DPP10: variants seen among roughly 807,000 people sequenced by gnomAD.
DPP10 encodes inactive dipeptidyl peptidase 10.
Under a neutral mutation model 120.9 loss-of-function variants are expected in DPP10, and 33 were observed. That is an observed-to-expected ratio of 0.27 (90% CI 0.21 to 0.37). DPP10 has a LOEUF of 0.37. Among genes scored for constraint, DPP10 ranks in the 10% least tolerant of loss-of-function variants. DPP10 has a pLI of 1.00. For missense variants in DPP10, 816 were observed against 942.8 expected (o/e 0.87, Z 1.76); for synonymous variants, 337 against 326.1 (o/e 1.03, Z -0.36).
At chr2:114,508,083 CTTCTT>C (rs1175288972) in intron 1 of DPP10, among the ~76,000 whole-genome samples, 3 of 151,378 alleles carry the variant, frequency 2.0e-5, no homozygotes, top group Admixed American at 6.6e-5. Context: ...TTCTTTCTCT[CTTCTT>C]TGTTTCTTTC....
chr2:115,424,509 A>T lies in DPP10; in HGVS notation c.272-75001A>T, dbSNP rs531732725. Among the ~76,000 whole-genome samples, 21 of 152,112 alleles carry T rather than the reference A, an allele frequency of 1.4e-4. 1 individual carries two copies. The highest frequency in any genetic ancestry group is 9.7e-4 in the East Asian group (5 of 5,172). ...CAAAAAAAAAGAAGTCAAATTTTTT[A>T]AAAAAATAAAGAGAAACTATTGACA... is the stretch of plus-strand genomic sequence containing the variant. On this transcript the variant is annotated intron_variant, in intron 3 of 25. Transcript: ENST00000410059.
At chr2:114,537,202 C>A (rs977487963) in intron 1 of DPP10, among the ~76,000 whole-genome samples, 3 of 152,056 alleles carry the variant, frequency 2.0e-5, no homozygotes, top group African/African-American at 7.2e-5. Context: ...CCAATGAGCT[C>A]AGGGATGTGA....
chr2:114,519,572 A>G lies in DPP10; in HGVS notation c.60+76734A>G, dbSNP rs908005231. 2.0e-5 allele frequency among the ~76,000 whole-genome samples: 3 copies of G among 152,196 alleles called. No individual in the cohort carries two copies. The South Asian group carries it at 6.2e-4, about 32-fold the overall frequency. On this transcript the variant is annotated intron_variant, in intron 1 of 25. Coordinates refer to ENST00000410059, the MANE Select transcript of DPP10 (RefSeq NM_020868.6). ...AAGCATCTCAATTAATTTTCAGTTGACAGTTTCTGCAGCTGAGTCCCCAAG... is the reference window on the plus strand; with the variant it reads ...AAGCATCTCAATTAATTTTCAGTTGGCAGTTTCTGCAGCTGAGTCCCCAAG...
intron 1 of DPP10, among the ~76,000 whole-genome samples, chr2:114,888,941 A>G (rs1044785474): frequency 1.3e-5 from 2 of 152,168 alleles, no homozygotes; most frequent in Non-Finnish European, 2.9e-5. Context: ...TTAACCCTCA[A>G]TACTTCAGAA....
chr2:114,666,059 C>G (rs1233962470), intron 1 of DPP10, among the ~76,000 whole-genome samples: 1 of 152,118 alleles, frequency 6.6e-6, no homozygotes, highest in Non-Finnish European at 1.5e-5. Flanking sequence ...TGAGTTTTAT[C>G]TTATATATAC....
intron 1 of DPP10, among the ~76,000 whole-genome samples, chr2:114,586,178 G>A (rs1395278095): frequency 6.6e-6 from 1 of 152,170 alleles, no homozygotes; most frequent in Non-Finnish European, 1.5e-5. Flanking sequence ...TGAGCCTGGG[G>A]AGGTCGAGGC....
At chr2:114,743,400 C>T (rs932170467) in intron 1 of DPP10, among the ~76,000 whole-genome samples, 1 of 132,668 alleles carries the variant, frequency 7.5e-6, no homozygotes, top group Non-Finnish European at 1.6e-5. Flanking sequence ...TCTTTCATAT[C>T]CATACCCTTG....
intron 1 of DPP10, among the ~76,000 whole-genome samples, chr2:114,887,539 C>T (rs1187032461): frequency 6.6e-6 from 1 of 152,224 alleles, no homozygotes; most frequent in Non-Finnish European, 1.5e-5. Flanking sequence ...ATTTCATCTT[C>T]TGTCTTTCAA....
At chr2:115,161,917 G>A in intron 1 of DPP10, 1 of 1,437,932 alleles carries the variant, frequency 7.0e-7, no homozygotes, top group Non-Finnish European at 9.1e-7. Context: ...CGAGTCTGAA[G>A]CGCCCGCGAG....
chr2:115,704,248 A>G (rs975444070), intron 7 of DPP10, among the ~76,000 whole-genome samples: 1 of 151,946 alleles, frequency 6.6e-6, no homozygotes, highest in Non-Finnish European at 1.5e-5. Context: ...ATTTAAAAAA[A>G]AAAAATTTCC....
intron 1 of DPP10, among the ~76,000 whole-genome samples, chr2:115,039,748 A>T (rs1465303396): frequency 6.6e-6 from 1 of 152,168 alleles, no homozygotes; most frequent in Non-Finnish European, 1.5e-5. Context: ...AGGCACAATA[A>T]TTAATTGTGA....
chr2:114,601,836 A>G (rs1016121187), intron 1 of DPP10, among the ~76,000 whole-genome samples: 1 of 151,966 alleles, frequency 6.6e-6, no homozygotes, highest in East Asian at 1.9e-4. Flanking sequence ...CATAGTTGGG[A>G]GTGCCACTAA....
chr2:115,823,940 T>A (rs1288701893), intron 21 of DPP10, among the ~76,000 whole-genome samples: 3 of 152,206 alleles, frequency 2.0e-5, no homozygotes, highest in Non-Finnish European at 4.4e-5. Flanking sequence ...GAATTTGCAA[T>A]TTCTAGTCAA....
chr2:115,381,155 C>T (rs911840939), intron 3 of DPP10, among the ~76,000 whole-genome samples: 1 of 152,166 alleles, frequency 6.6e-6, no homozygotes. Flanking sequence ...TATTTTCCAA[C>T]TTGGTTCCAT....
chr2:115,272,949 G>T (rs1357258197), intron 1 of DPP10, among the ~76,000 whole-genome samples: 3 of 152,198 alleles, frequency 2.0e-5, no homozygotes, highest in Admixed American at 2.0e-4. Context: ...TGAAGAGTGG[G>T]TTTGCTGCAC....
chr2:114,522,747 A>C (rs569292684), intron 1 of DPP10, among the ~76,000 whole-genome samples: 1 of 152,276 alleles, frequency 6.6e-6, no homozygotes, highest in Admixed American at 6.5e-5. Context: ...ATAGACTTAC[A>C]GTTCCACGTG....
intron 1 of DPP10, among the ~76,000 whole-genome samples, chr2:114,784,985 G>A (rs1337102697): frequency 6.6e-6 from 1 of 152,136 alleles, no homozygotes; most frequent in African/African-American, 2.4e-5. Flanking sequence ...TCCCCATTCT[G>A]GGTGTTGTAT....
intron 5 of DPP10, among the ~76,000 whole-genome samples, chr2:115,595,681 C>T (rs965813923): frequency 6.6e-6 from 1 of 151,856 alleles, no homozygotes; most frequent in African/African-American, 2.4e-5. Flanking sequence ...TTACTTAAAC[C>T]TTCAGTTTTT....
chr2:115,774,687 G>A (rs1481805521), intron 13 of DPP10, among the ~76,000 whole-genome samples: 3 of 152,084 alleles, frequency 2.0e-5, no homozygotes, highest in African/African-American at 4.8e-5. Context: ...GCAGCTAGAC[G>A]TCTAGAGAAC....
Sources: allele counts gnomAD v4.1 joint callset (sites outside exome capture counted in the v4.1 genomes callset), GRCh38; gene constraint gnomAD v4.1.1; transcripts MANE v1.5; gene names NCBI Gene and HGNC (gene_info 2026-07-23, HGNC 2026-07-21).